Variants in TRIO observed in about 807,000 individuals in gnomAD.
TRIO encodes triple functional domain protein.
In TRIO, 58 loss-of-function variants were observed where a neutral mutation model predicts 351.9. The observed-to-expected ratio is 0.16, with a 90% confidence interval of 0.13 to 0.21. The LOEUF (loss-of-function observed/expected upper bound fraction) is 0.21, where lower values mean the gene tolerates loss of function less well. TRIO is among the 10% of genes least tolerant of loss of function. The pLI is 1.00. For missense variants in TRIO, 3,201 were observed against 4,027.8 expected (o/e 0.79, Z 5.56); for synonymous variants, 1,758 against 1,595.7 (o/e 1.10, Z -2.42).
At chr5:14,183,975 A>G in intron 1 of TRIO, 1 of 697,978 alleles carries the variant, frequency 1.4e-6, no homozygotes, top group African/African-American at 1.7e-5. Flanking sequence ...GATGTGTCCC[A>G]GACTTTAAAA....
Position 14,485,259 on chromosome 5 carries a change from C to T in TRIO, c.6835+13C>T, listed in dbSNP as rs770672242. Reference sequence around the variant, plus strand: ...AATTTTTTAAATGGTAATGTGTGTTCTGTTACTAGATGTGTGCTTTCTTTC... The same window carrying T: ...AATTTTTTAAATGGTAATGTGTGTTTTGTTACTAGATGTGTGCTTTCTTTC... On this transcript the variant is annotated intron_variant, in intron 47 of 56. Transcript: ENST00000344204. 3 of 1,568,926 alleles carry T rather than the reference C, an allele frequency of 1.9e-6. No homozygotes were observed. Among genetic ancestry groups the T allele is most frequent in the African/African-American group, 2.7e-5 (2 of 73,648 alleles).
At chr5:14,493,033 C>A (rs891412515) in intron 49 of TRIO, among the ~76,000 whole-genome samples, 1 of 152,208 alleles carries the variant, frequency 6.6e-6, no homozygotes, top group Admixed American at 6.5e-5. Context: ...TAGAAATAGT[C>A]TGTTCTAGCA....
chr5:14,226,983 C>T (rs1007456438), intron 1 of TRIO, among the ~76,000 whole-genome samples: 12 of 151,972 alleles, frequency 7.9e-5, no homozygotes, highest in South Asian at 4.2e-4. Context: ...TGAAGACAAG[C>T]GTCCTCCAAA....
chr5:14,158,339 C>G (rs532761959), intron 1 of TRIO, among the ~76,000 whole-genome samples: 10 of 151,680 alleles, frequency 6.6e-5, no homozygotes, highest in African/African-American at 2.4e-4. Flanking sequence ...GCAGAAGAAG[C>G]GCTTGAACCC....
intron 1 of TRIO, among the ~76,000 whole-genome samples, chr5:14,146,566 A>C (rs1199775011): frequency 6.6e-6 from 1 of 152,240 alleles, no homozygotes; most frequent in African/African-American, 2.4e-5. Context: ...TAGAACTTTT[A>C]AACAATTAAG....
intron 3 of TRIO, among the ~76,000 whole-genome samples, chr5:14,282,975 G>A (rs981008033): frequency 6.6e-6 from 1 of 152,240 alleles, no homozygotes; most frequent in Middle Eastern, 3.4e-3. Context: ...GAAAGAAGTG[G>A]CCACAAAGTG....
Position 14,405,895 on chromosome 5 carries a change from A to G in TRIO, c.4764A>G (p.Glu1588=). The G allele has an allele frequency of 6.2e-7, 1 of 1,614,000 alleles. No homozygotes were observed. Among genetic ancestry groups the G allele is most frequent in the African/African-American group, 1.3e-5 (1 of 74,976 alleles). ...NKQDWIKHIR[E]VIQERTIHLK... ...AGGACTGGATAAAGCATATCCGCGA[A>G]GTCATCCAGGAGCGGACGATCCACC... Residue 1588 remains glutamate (E), a synonymous_variant, in exon 32 of 57, where the codon GAA becomes GAG. Transcript: ENST00000344204.
intron 34 of TRIO, among the ~76,000 whole-genome samples, chr5:14,438,336 A>G (rs1751759681): frequency 6.6e-6 from 1 of 152,182 alleles, no homozygotes; most frequent in African/African-American, 2.4e-5. Context: ...CTTACTTGCT[A>G]ATGTTCTCAC....
chr5:14,370,611 G>GT (rs1745023894), intron 18 of TRIO, among the ~76,000 whole-genome samples: 1 of 152,148 alleles, frequency 6.6e-6, no homozygotes. Context: ...AGGATAAATT[G>GT]TAACTCTTTG....
At position 14,471,338 on chromosome 5, in the gene TRIO, C is replaced by T; in HGVS notation, c.5784C>T (p.Ser1928=). 1 of 1,614,048 alleles carries T rather than the reference C, an allele frequency of 6.2e-7. No individual in the cohort carries two copies. The highest frequency in any genetic ancestry group is 8.5e-7 in the Non-Finnish European group (1 of 1,179,986). Residue 1928 remains serine, a synonymous_variant, in exon 38 of 57, where the codon AGC becomes AGT. Coordinates refer to ENST00000344204, the MANE Select transcript of TRIO (RefSeq NM_007118.4). ...TCCAGGCACTGGAGGATCGCCCCAG[C>T]TCACTCCTTGTTGACCAGGGAGATA... ...KSKMALEDRP[S]SLLVDQGDSS...
chr5:14,288,269 ATCTCTCCC>A (rs1411910187), intron 4 of TRIO, among the ~76,000 whole-genome samples: 1 of 152,154 alleles, frequency 6.6e-6, no homozygotes, highest in African/African-American at 2.4e-5. Flanking sequence ...TCCAGTTTTG[ATCTCTCCC>A]TCAGGGCTCT....
chr5:14,363,259 C>T (rs1012656153), intron 13 of TRIO, among the ~76,000 whole-genome samples: 4 of 152,194 alleles, frequency 2.6e-5, no homozygotes, highest in African/African-American at 9.6e-5. Context: ...CTTGGCCTCC[C>T]AAAGTGCTGG....
At chr5:14,403,960 TGTG>T (rs371928577) in intron 31 of TRIO, among the ~76,000 whole-genome samples, 577 of 51,008 alleles carry the variant, frequency 0.011, 8 homozygotes, top group African/African-American at 0.032. Flanking sequence ...GGGTGTAGGT[TGTG>T]GTGAGGGTAC....
rs1316706873 is a variant in TRIO, at chr5:14,480,442, CT to C, written c.6336+432del. Among the ~76,000 whole-genome samples, 9 of 152,258 alleles carry C rather than the reference CT, an allele frequency of 5.9e-5. No individual in the cohort carries two copies. The East Asian group carries it at 1.7e-3, about 29-fold the overall frequency. ...CCTTGGAATGCTAATGATTTTTCTT[CT>C]GCTCTATCAACTTTAATTATTTTCT... On this transcript the variant is annotated intron_variant, in intron 43 of 56. Coordinates refer to ENST00000344204, the MANE Select transcript of TRIO (RefSeq NM_007118.4).
At chr5:14,303,874 G>C (rs1738138164) in intron 7 of TRIO, among the ~76,000 whole-genome samples, 5 of 152,160 alleles carry the variant, frequency 3.3e-5, no homozygotes, top group Admixed American at 1.3e-4. Context: ...CTTTTTCTTG[G>C]TCTCCTTTTA....
At chr5:14,167,945 A>G (rs1188959595) in intron 1 of TRIO, among the ~76,000 whole-genome samples, 1 of 152,212 alleles carries the variant, frequency 6.6e-6, no homozygotes, top group African/African-American at 2.4e-5. Flanking sequence ...TATATATCAG[A>G]ATCATCTGAT....
intron 19 of TRIO, 27 bp downstream of exon 19, chr5:14,374,370 G>A (rs1745378682): frequency 1.9e-6 from 3 of 1,583,814 alleles, no homozygotes; most frequent in South Asian, 2.2e-5. Flanking sequence ...GTCTCCAGGG[G>A]TGGCCCAGTG....
chr5:14,251,748 T>C (rs1289664985), intron 1 of TRIO, among the ~76,000 whole-genome samples: 1 of 152,170 alleles, frequency 6.6e-6, no homozygotes, highest in Non-Finnish European at 1.5e-5. Flanking sequence ...TGAATTCACC[T>C]GCAGAGGGAA....
At chr5:14,287,103 G>A (rs1436650427) in intron 4 of TRIO, 40 bp downstream of exon 4, 2 of 1,593,418 alleles carry the variant, frequency 1.3e-6, no homozygotes, top group Non-Finnish European at 1.7e-6. Context: ...AAACAAGTTG[G>A]TGTGGTTTAC....
Sources: gnomAD v4.1 joint callset for allele counts (sites outside exome capture counted in the v4.1 genomes callset) on GRCh38, gnomAD v4.1.1 for gene constraint, MANE v1.5 for transcripts, NCBI Gene and HGNC (gene_info 2026-07-23, HGNC 2026-07-21) for gene names.